CCSER1: variants seen among roughly 807,000 people sequenced by gnomAD.
CCSER1 encodes the protein coiled-coil serine rich protein 1, also known as serine-rich coiled-coil domain-containing protein 1.
Under a neutral mutation model 82.0 loss-of-function variants are expected in CCSER1, and 41 were observed. That is an observed-to-expected ratio of 0.50 (90% CI 0.39 to 0.65). The LOEUF (loss-of-function observed/expected upper bound fraction) is 0.65. Ranked by LOEUF, CCSER1 falls within the 30% of genes least tolerant of loss-of-function variation. CCSER1 has a pLI of 0.00. For synonymous variants in CCSER1, 414 were observed against 383.9 expected (o/e 1.08, Z -0.92); for missense variants, 1,119 against 1,064.2 (o/e 1.05, Z -0.72).
At position 91,186,990 on chromosome 4, in the gene CCSER1, A is replaced by G. The variant is rs548734690; in HGVS notation, c.2217+100996A>G. ...TTTGTTTATGGCCAGTTTTGGAGCT[A>G]GTTTATGGCCAGATTTTGGGGGGCC... On this transcript the variant is annotated intron_variant, in intron 10 of 10. Coordinates refer to ENST00000509176, the MANE Select transcript of CCSER1 (RefSeq NM_001145065.2). Among the ~76,000 whole-genome samples the G allele has an allele frequency of 6.7e-4, 102 of 152,278 alleles. 1 individual carries two copies. In the South Asian group the frequency reaches 7.0e-3, roughly 11 times the overall value.
intron 8 of CCSER1, among the ~76,000 whole-genome samples, chr4:90,830,140 G>T (rs1281578911): frequency 6.6e-6 from 1 of 152,096 alleles, no homozygotes; most frequent in Admixed American, 6.6e-5. Context: ...AGTGAGTCGG[G>T]GAGAGACCTC....
chr4:91,514,332 AT>A (rs1759984457), intron 10 of CCSER1, among the ~76,000 whole-genome samples: 1 of 151,990 alleles, frequency 6.6e-6, no homozygotes, highest in African/African-American at 2.4e-5. Flanking sequence ...GGTTGGTATG[AT>A]TTTGATTTTT....
At chr4:90,574,321 T>G (rs953850753) in intron 5 of CCSER1, among the ~76,000 whole-genome samples, 2 of 138,616 alleles carry the variant, frequency 1.4e-5, no homozygotes, top group African/African-American at 5.5e-5. Context: ...GACTGCGGAC[T>G]GCAGTGGCGC....
chr4:91,168,141 C>T (rs1581694207), intron 10 of CCSER1, among the ~76,000 whole-genome samples: 2 of 150,854 alleles, frequency 1.3e-5, no homozygotes, highest in Non-Finnish European at 3.0e-5. Flanking sequence ...GCCCGGCCGC[C>T]CCATCTGGGA....
At chr4:91,023,005 T>C (rs570786651) in intron 9 of CCSER1, among the ~76,000 whole-genome samples, 274 of 152,318 alleles carry the variant, frequency 1.8e-3, no homozygotes, top group African/African-American at 6.2e-3. Flanking sequence ...GCAGAAGCTC[T>C]TTAGTTTAAT....
At chr4:91,110,892 GAAAT>G (rs889301832) in intron 10 of CCSER1, among the ~76,000 whole-genome samples, 5 of 151,384 alleles carry the variant, frequency 3.3e-5, no homozygotes, top group African/African-American at 9.7e-5. Context: ...GGGTCATTTA[GAAAT>G]AAATAGAGCA....
intron 6 of CCSER1, among the ~76,000 whole-genome samples, chr4:90,723,485 G>A (rs1325208431): frequency 6.6e-6 from 1 of 151,690 alleles, no homozygotes; most frequent in Non-Finnish European, 1.5e-5. Context: ...GAAAAAAATG[G>A]TTGCAATGAT....
At chr4:90,762,401 T>C (rs1361393370) in intron 7 of CCSER1, among the ~76,000 whole-genome samples, 1 of 152,184 alleles carries the variant, frequency 6.6e-6, no homozygotes. Flanking sequence ...TGGGTATGTC[T>C]TTATCAGCAG....
intron 10 of CCSER1, among the ~76,000 whole-genome samples, chr4:91,152,679 G>C (rs1016812906): frequency 2.0e-5 from 3 of 152,132 alleles, no homozygotes; most frequent in Admixed American, 6.5e-5. Flanking sequence ...TCCATGTTTA[G>C]TGCTTCCTTC....
At chr4:91,487,771 A>T (rs759573252) in intron 10 of CCSER1, among the ~76,000 whole-genome samples, 12 of 152,008 alleles carry the variant, frequency 7.9e-5, no homozygotes, top group South Asian at 4.1e-4. Context: ...TTCTATATGT[A>T]TGTCTGTTGA....
At chr4:90,574,357 T>C (rs962974102) in intron 5 of CCSER1, among the ~76,000 whole-genome samples, 2 of 143,110 alleles carry the variant, frequency 1.4e-5, no homozygotes, top group South Asian at 2.2e-4. Flanking sequence ...CAAGCTCCGC[T>C]TCCCGGGTTC....
rs183493247 is a variant in CCSER1 at position 91,115,996 on chromosome 4, C to T, written c.2217+30002C>T. ...CATTAGGTATATCTCCTAATGCTAT[C>T]CCTCCCCCCTGTCCCCACCCCACAA... On this transcript the variant is annotated intron_variant, in intron 10 of 10. Coordinates refer to ENST00000509176, the MANE Select transcript of CCSER1 (RefSeq NM_001145065.2). 4.3e-3 allele frequency among the ~76,000 whole-genome samples: 648 copies of T among 151,542 alleles called. 6 individuals carry two copies. Among genetic ancestry groups the T allele is most frequent in the African/African-American group, 0.015 (608 of 41,256 alleles).
At chr4:91,108,114 C>T (rs931530267) in intron 10 of CCSER1, 16 of 152,140 alleles carry the variant, frequency 1.1e-4, no homozygotes, top group Non-Finnish European at 1.5e-5. Context: ...TGAAGAGAGA[C>T]AAATGTTAAC....
intron 10 of CCSER1, among the ~76,000 whole-genome samples, chr4:91,587,781 T>C (rs1015536926): frequency 2.0e-5 from 3 of 151,660 alleles, no homozygotes; most frequent in Admixed American, 6.6e-5. Context: ...TATTAAACAC[T>C]GCTTTAGAAA....
chr4:90,631,749 G>C (rs1249663626), intron 6 of CCSER1, among the ~76,000 whole-genome samples: 1 of 152,118 alleles, frequency 6.6e-6, no homozygotes, highest in Non-Finnish European at 1.5e-5. Flanking sequence ...AATCCAAAAT[G>C]CTCCAAAATT....
intron 6 of CCSER1, among the ~76,000 whole-genome samples, chr4:90,639,209 A>G (rs1726030660): frequency 1.3e-5 from 2 of 151,468 alleles, no homozygotes; most frequent in Non-Finnish European, 2.9e-5. Flanking sequence ...ATACACATAT[A>G]TATCAGTAAA....
At chr4:90,339,753 T>A (rs1482053119) in intron 3 of CCSER1, among the ~76,000 whole-genome samples, 1 of 152,116 alleles carries the variant, frequency 6.6e-6, no homozygotes, top group Non-Finnish European at 1.5e-5. Flanking sequence ...GCAACTGCTG[T>A]TTTTTTAATC....
chr4:91,123,562 A>G (rs1329540061), intron 10 of CCSER1, among the ~76,000 whole-genome samples: 2 of 151,766 alleles, frequency 1.3e-5, no homozygotes, highest in African/African-American at 4.8e-5. Context: ...ACAAAACATG[A>G]CGAAATATTT....
chr4:90,736,202 G>T (rs970758734), intron 7 of CCSER1, among the ~76,000 whole-genome samples: 2 of 152,110 alleles, frequency 1.3e-5, no homozygotes, highest in Non-Finnish European at 2.9e-5. Context: ...AAAATGTTCT[G>T]TAAATATCTG....
Sources: gnomAD v4.1 joint callset for allele counts (sites outside exome capture counted in the v4.1 genomes callset) on GRCh38, gnomAD v4.1.1 for gene constraint, MANE v1.5 for transcripts, NCBI Gene and HGNC (gene_info 2026-07-23, HGNC 2026-07-21) for gene names.